WDR41: variants seen among roughly 807,000 people sequenced by gnomAD.
The protein encoded by WDR41 is WD repeat domain 41.
Under a neutral mutation model 69.3 loss-of-function variants are expected in WDR41, and 63 were observed. The observed-to-expected ratio is 0.91, with a 90% CI of 0.74 to 1.12. The LOEUF (loss-of-function observed/expected upper bound fraction) is 1.12. WDR41 is among the 50% of genes most tolerant of loss of function. WDR41 has a pLI of 0.00. For missense variants in WDR41, 543 were observed against 534.5 expected (o/e 1.02, Z -0.16); for synonymous variants, 185 against 192.1 (o/e 0.96, Z 0.31).
At chr5:77,474,101 A>G (rs1347650826) in intron 2 of WDR41, among the ~76,000 whole-genome samples, 1 of 152,230 alleles carries the variant, frequency 6.6e-6, no homozygotes, top group Non-Finnish European at 1.5e-5. Flanking sequence ...AATACTATGC[A>G]GCCATAAAAC....
chr5:77,586,302 GTATTTATT>G (rs34851390), intron 1 of WDR41, among the ~76,000 whole-genome samples: 1 of 150,534 alleles, frequency 6.6e-6, no homozygotes, highest in Non-Finnish European at 1.5e-5. Context: ...ATTTATTTAT[GTATTTATT>G]TATTTATTTA....
intron 1 of WDR41, among the ~76,000 whole-genome samples, chr5:77,491,607 C>A (rs1801792819): frequency 6.6e-6 from 1 of 152,158 alleles, no homozygotes. Flanking sequence ...CCAAAAACAG[C>A]AGTTAATTAG....
chr5:77,446,177 C>T (rs920597709), intron 8 of WDR41, among the ~76,000 whole-genome samples: 9 of 151,932 alleles, frequency 5.9e-5, no homozygotes, highest in African/African-American at 1.5e-4. Flanking sequence ...CATTCACAAT[C>T]GCTACAAAGA....
intron 1 of WDR41, among the ~76,000 whole-genome samples, chr5:77,509,575 C>T (rs905157805): frequency 3.3e-5 from 5 of 151,990 alleles, no homozygotes; most frequent in Admixed American, 6.6e-5. Flanking sequence ...AAAACATTAG[C>T]GAAGTGAAAG....
Position 77,433,085 on chromosome 5 carries a change from C to A in WDR41, c.*50G>T. 6.5e-7 allele frequency: 1 copy of A among 1,534,018 alleles called. No homozygotes were observed. The highest frequency in any genetic ancestry group is 1.4e-5 in the African/African-American group (1 of 71,894). ...ATATTAATGGTTTTCAGAGTAGTAC[C>A]CGATATTTGATGTTCAAGGTTCATG... is the stretch of plus-strand genomic sequence containing the variant. On this transcript the variant is annotated 3_prime_UTR_variant, in exon 13 of 13. Coordinates refer to ENST00000296679, the MANE Select transcript of WDR41 (RefSeq NM_018268.4).
rs1256186221 is a variant in WDR41 at position 77,433,087 on chromosome 5, G to A, written c.*48C>T. ...ATTAATGGTTTTCAGAGTAGTACCCGATATTTGATGTTCAAGGTTCATGCA... is the reference window on the plus strand; with the variant it reads ...ATTAATGGTTTTCAGAGTAGTACCCAATATTTGATGTTCAAGGTTCATGCA... On this transcript the variant is annotated 3_prime_UTR_variant, in exon 13 of 13. Transcript: ENST00000296679. 7.1e-6 allele frequency: 11 copies of A among 1,543,302 alleles called. No homozygotes were observed. The highest frequency in any genetic ancestry group is 2.3e-5 in the East Asian group (1 of 43,212).
At chr5:77,524,331 T>C (rs893006303) in intron 1 of WDR41, among the ~76,000 whole-genome samples, 1 of 152,170 alleles carries the variant, frequency 6.6e-6, no homozygotes, top group African/African-American at 2.4e-5. Context: ...CACACACCTG[T>C]AATCCCAGCA....
At chr5:77,614,690 C>G (rs564977908) in intron 1 of WDR41, among the ~76,000 whole-genome samples, 136 of 148,702 alleles carry the variant, frequency 9.1e-4, no homozygotes, top group African/African-American at 3.2e-3. Flanking sequence ...GGAGATATAC[C>G]TAATGCTTAA....
chr5:77,539,709 G>C (rs1409392769), intron 1 of WDR41, among the ~76,000 whole-genome samples: 38 of 152,130 alleles, frequency 2.5e-4, no homozygotes, highest in Admixed American at 2.5e-3. Context: ...AACTTCAAAT[G>C]GTTGCTTTAA....
chr5:77,551,425 C>A (rs1342254861), intron 1 of WDR41, among the ~76,000 whole-genome samples: 1 of 152,150 alleles, frequency 6.6e-6, no homozygotes, highest in Admixed American at 6.5e-5. Flanking sequence ...TGCCTGTAAT[C>A]CCAGCACTTT....
At chr5:77,595,468 G>T (rs1309776046) in intron 1 of WDR41, among the ~76,000 whole-genome samples, 2 of 152,018 alleles carry the variant, frequency 1.3e-5, no homozygotes, top group Non-Finnish European at 2.9e-5. Context: ...ATGTCAAATT[G>T]CCCCCAAAAC....
At chr5:77,486,206 T>A (rs1432015282) in intron 2 of WDR41, among the ~76,000 whole-genome samples, 1 of 152,232 alleles carries the variant, frequency 6.6e-6, no homozygotes, top group Non-Finnish European at 1.5e-5. Context: ...CACTACAGAA[T>A]TAAATTTTTA....
At chr5:77,594,464 T>A (rs1252341331) in intron 1 of WDR41, among the ~76,000 whole-genome samples, 1 of 151,878 alleles carries the variant, frequency 6.6e-6, no homozygotes, top group East Asian at 1.9e-4. Flanking sequence ...AGAAAATAAA[T>A]AATTAAATAC....
At chr5:77,587,248 A>G (rs1744058371) in intron 1 of WDR41, among the ~76,000 whole-genome samples, 1 of 152,066 alleles carries the variant, frequency 6.6e-6, no homozygotes, top group South Asian at 2.1e-4. Flanking sequence ...TGTAAGATGG[A>G]CATTTGATTT....
chr5:77,575,062 A>G (rs552553127), intron 1 of WDR41, among the ~76,000 whole-genome samples: 2 of 152,214 alleles, frequency 1.3e-5, no homozygotes, highest in African/African-American at 4.8e-5. Context: ...TTAAAAAAAA[A>G]CAAACATATC....
intron 1 of WDR41, among the ~76,000 whole-genome samples, chr5:77,554,382 C>T (rs773217407): frequency 1.3e-5 from 2 of 152,010 alleles, no homozygotes; most frequent in Non-Finnish European, 2.9e-5. Context: ...AAAGTGGGAC[C>T]TTTGGGAGGT....
Position 77,448,783 on chromosome 5 carries a change from G to A in WDR41, c.697+977C>T, listed in dbSNP as rs148618149. Among the ~76,000 whole-genome samples the A allele has an allele frequency of 4.6e-3, 696 of 152,076 alleles. 2 individuals carry two copies. Among genetic ancestry groups the A allele is most frequent in the African/African-American group, 0.016 (669 of 41,474 alleles). On this transcript the variant is annotated intron_variant, in intron 8 of 12. Transcript: ENST00000296679. ...TTTGGGAGGCTGAGGCAGAAGAATC[G>A]CTTGAACCCGGGGGGCAGAGGTTGC...
intron 12 of WDR41, among the ~76,000 whole-genome samples, chr5:77,434,268 G>C (rs545845938): frequency 6.6e-6 from 1 of 152,070 alleles, no homozygotes; most frequent in Non-Finnish European, 1.5e-5. Flanking sequence ...TGGAGATTGC[G>C]CCATTGTACT....
At chr5:77,558,094 T>TTTTAAAAAAA (rs1554036365) in intron 1 of WDR41, among the ~76,000 whole-genome samples, 2 of 104,306 alleles carry the variant, frequency 1.9e-5, no homozygotes, top group African/African-American at 7.2e-5. Flanking sequence ...ATGTTCTTTT[T>TTTTAAAAAAA]AAAAAAAAAA....
Sources: gnomAD v4.1 joint callset for allele counts (sites outside exome capture counted in the v4.1 genomes callset) on GRCh38, gnomAD v4.1.1 for gene constraint, MANE v1.5 for transcripts, NCBI Gene and HGNC (gene_info 2026-07-23, HGNC 2026-07-21) for gene names.